The following NDFIP2 variants were observed in gnomAD, a reference collection of about 807,000 sequenced individuals.
NDFIP2 encodes the protein NEDD4 family-interacting protein 2.
In NDFIP2, 19 loss-of-function variants were observed where a neutral mutation model predicts 36.0. The observed-to-expected ratio is 0.53, with a 90% CI of 0.37 to 0.77. NDFIP2 has a LOEUF of 0.77. NDFIP2 is among the 30% of genes least tolerant of loss of function. NDFIP2 has a pLI of 0.00. For synonymous variants in NDFIP2, 181 were observed against 167.7 expected (o/e 1.08, Z -0.61); for missense variants, 446 against 435.8 (o/e 1.02, Z -0.21).
intron 2 of NDFIP2, among the ~76,000 whole-genome samples, chr13:79,528,406 A>G (rs1013446584): frequency 6.6e-6 from 1 of 152,232 alleles, no homozygotes; most frequent in Non-Finnish European, 1.5e-5. Flanking sequence ...AAAAGTATAT[A>G]AAGTAAAAAT....
At chr13:79,525,509 G>A (rs1239506713) in intron 2 of NDFIP2, among the ~76,000 whole-genome samples, 2 of 152,078 alleles carry the variant, frequency 1.3e-5, no homozygotes, top group East Asian at 3.9e-4. Flanking sequence ...TGAATTGCCA[G>A]CATCTCTACT....
rs532232986 is a variant in NDFIP2 at position 79,546,019 on chromosome 13, C to T, written c.841-2309C>T. 5.3e-5 allele frequency among the ~76,000 whole-genome samples: 8 copies of T among 152,314 alleles called. No individual in the cohort carries two copies. The South Asian group carries it at 6.2e-4, about 12-fold the overall frequency. ...CTAGGATTACAGGCGTGAGCCACCG[C>T]GCCAGGCCAGTCTCACAGTTTTTAA... On this transcript the variant is annotated intron_variant, in intron 5 of 7. Transcript: ENST00000218652.
At chr13:79,499,963 A>G (rs994241581) in intron 1 of NDFIP2, among the ~76,000 whole-genome samples, 2 of 151,974 alleles carry the variant, frequency 1.3e-5, no homozygotes, top group African/African-American at 2.4e-5. Context: ...CCCAACTTCA[A>G]GAGTTAACTA....
intron 1 of NDFIP2, among the ~76,000 whole-genome samples, chr13:79,516,387 A>G (rs952433690): frequency 2.0e-5 from 3 of 151,852 alleles, no homozygotes; most frequent in Non-Finnish European, 4.4e-5. Flanking sequence ...CCAAGTAGCT[A>G]GGTCTACTTA....
intron 1 of NDFIP2, among the ~76,000 whole-genome samples, chr13:79,493,023 C>T (rs950259863): frequency 6.6e-6 from 1 of 152,074 alleles, no homozygotes; most frequent in Non-Finnish European, 1.5e-5. Context: ...TCAAGTTCTG[C>T]GTGTTCTTTT....
chr13:79,543,191 T>C (rs1482595454), intron 4 of NDFIP2, among the ~76,000 whole-genome samples: 1 of 152,220 alleles, frequency 6.6e-6, no homozygotes, highest in Non-Finnish European at 1.5e-5. Flanking sequence ...TTACCTTTTT[T>C]AAAAAGCCAA....
At chr13:79,501,205 C>T (rs776980951) in intron 1 of NDFIP2, among the ~76,000 whole-genome samples, 5 of 151,936 alleles carry the variant, frequency 3.3e-5, no homozygotes, top group Non-Finnish European at 7.4e-5. Flanking sequence ...ATTTTTAGGA[C>T]AGTGAAAGTA....
chr13:79,487,794 A>T (rs1159766181), intron 1 of NDFIP2, among the ~76,000 whole-genome samples: 2 of 152,038 alleles, frequency 1.3e-5, no homozygotes, highest in Admixed American at 1.3e-4. Context: ...AGTTTTTTTG[A>T]ATGGGCCCTC....
chr13:79,534,131 T>G (rs1224200451), intron 3 of NDFIP2, among the ~76,000 whole-genome samples: 1 of 152,206 alleles, frequency 6.6e-6, no homozygotes, highest in African/African-American at 2.4e-5. Context: ...TTCTTCTCTT[T>G]GCCTGGACCT....
intron 1 of NDFIP2, among the ~76,000 whole-genome samples, chr13:79,496,621 T>A (rs1873441781): frequency 6.6e-6 from 1 of 151,908 alleles, no homozygotes; most frequent in Admixed American, 6.6e-5. Context: ...TTTCTTCAAA[T>A]GTTTTTCCTG....
At chr13:79,508,647 G>A (rs1271611300) in intron 1 of NDFIP2, among the ~76,000 whole-genome samples, 1 of 152,104 alleles carries the variant, frequency 6.6e-6, no homozygotes, top group Non-Finnish European at 1.5e-5. Context: ...GGGTTTAGCC[G>A]GCTTCTTTAC....
chr13:79,548,898 CTT>C (rs1203904671), intron 6 of NDFIP2, among the ~76,000 whole-genome samples: 1 of 151,866 alleles, frequency 6.6e-6, no homozygotes, highest in African/African-American at 2.4e-5. Context: ...TAAGACGTGT[CTT>C]TTTATTAATA....
chr13:79,503,199 G>T (rs2140746725), intron 1 of NDFIP2, among the ~76,000 whole-genome samples: 1 of 152,246 alleles, frequency 6.6e-6, no homozygotes, highest in East Asian at 1.9e-4. Context: ...AGTGGAGACT[G>T]GTGGAATTGG....
At chr13:79,500,351 T>A (rs1873610202) in intron 1 of NDFIP2, among the ~76,000 whole-genome samples, 2 of 151,942 alleles carry the variant, frequency 1.3e-5, no homozygotes, top group Non-Finnish European at 2.9e-5. Flanking sequence ...GGTGATAAGC[T>A]AGATTTCATT....
intron 1 of NDFIP2, among the ~76,000 whole-genome samples, chr13:79,500,181 AAATG>A (rs933789229): frequency 3.9e-5 from 6 of 151,920 alleles, no homozygotes; most frequent in Non-Finnish European, 8.8e-5. Flanking sequence ...AAAAAAAAAA[AAATG>A]AACTTAAGCA....
At chr13:79,547,753 T>C (rs1309572409) in intron 5 of NDFIP2, among the ~76,000 whole-genome samples, 1 of 152,154 alleles carries the variant, frequency 6.6e-6, no homozygotes, top group African/African-American at 2.4e-5. Context: ...CTCAGCTCTC[T>C]GTTGGGAACT....
In NDFIP2 at chr13:79,481,367, G is replaced by A. The variant is rs1486724687; in HGVS notation, c.164G>A (p.Gly55Asp). Residue 55 changes from glycine (G) to aspartate (D), a missense_variant, in exon 1 of 8, where the codon GGC becomes GAC. Physicochemically the swap from Gly to Asp is moderately conservative, Grantham distance 94. Transcript: ENST00000218652. ...GSEELPPGDRGCRNGGGRGPA... is the reference protein window; with the variant it reads ...GSEELPPGDRDCRNGGGRGPA... The stretch of plus-strand genomic sequence containing the variant: ...GAAGAGCTTCCGCCGGGAGACCGCG[G>A]CTGCAGGAACGGAGGCGGAAGGGGC... 10 of 1,552,990 alleles carry A rather than the reference G, an allele frequency of 6.4e-6. No individual in the cohort carries two copies. The South Asian group carries it at 1.2e-4, about 18-fold the overall frequency.
intron 6 of NDFIP2, among the ~76,000 whole-genome samples, 167 bp downstream of exon 6, chr13:79,548,561 T>C (rs1358653575): frequency 6.6e-6 from 1 of 152,076 alleles, no homozygotes; most frequent in Non-Finnish European, 1.5e-5. Context: ...GCACTACAGA[T>C]TTCTTAGATT....
At chr13:79,548,000 T>G (rs549574872) in intron 5 of NDFIP2, among the ~76,000 whole-genome samples, 4 of 152,054 alleles carry the variant, frequency 2.6e-5, no homozygotes, top group Non-Finnish European at 4.4e-5. Context: ...TTTGAGAGAT[T>G]ATGAAAAAAG....
Sources: gnomAD v4.1 joint callset for allele counts (sites outside exome capture counted in the v4.1 genomes callset) on GRCh38, gnomAD v4.1.1 for gene constraint, MANE v1.5 for transcripts, NCBI Gene and HGNC (gene_info 2026-07-23, HGNC 2026-07-21) for gene names.